Variants in CHRNB1 observed in about 807,000 individuals in gnomAD.
The protein encoded by CHRNB1 is cholinergic receptor nicotinic beta 1 subunit.
In CHRNB1, 47 loss-of-function variants were observed where a neutral mutation model predicts 53.8. The observed-to-expected ratio is 0.87, with a 90% CI of 0.69 to 1.11. The LOEUF (loss-of-function observed/expected upper bound fraction) is 1.11. Among genes scored for constraint, CHRNB1 ranks in the 50% most tolerant of loss-of-function variants. The pLI, the probability that CHRNB1 is intolerant of heterozygous loss-of-function variation, is 0.00. For synonymous variants in CHRNB1, 259 were observed against 263.5 expected (o/e 0.98, Z 0.16); for missense variants, 605 against 654.9 (o/e 0.92, Z 0.83).
chr17:7,445,983 G>T lies in CHRNB1; in HGVS notation c.199-86G>T. On this transcript the variant is annotated intron_variant, in intron 2 of 10. Coordinates refer to ENST00000306071, the MANE Select transcript of CHRNB1 (RefSeq NM_000747.3). This position sits in a 1 kb window ranked among gnomAD's most constrained non-coding sequence, Gnocchi z 5.7. ...ATGGGGCTCAGAAAAAGGGGGCGGC[G>T]TTCCCAGGAGAGAGGTTGGCCCCCC... is the stretch of plus-strand genomic sequence containing the variant. 1.6e-6 allele frequency: 2 copies of T among 1,215,408 alleles called. No individual in the cohort carries two copies. The highest frequency in any genetic ancestry group is 2.4e-6 in the Non-Finnish European group (2 of 818,414). The allele number at this position is 1,215,408 out of a possible 1,614,324, so 75.3% of individuals were successfully genotyped here. A position where few individuals can be genotyped will look rare whatever the true frequency, so the allele number is the denominator to read the frequency against.
Position 7,445,810 on chromosome 17 carries a change from C to T in CHRNB1, c.199-259C>T, listed in dbSNP as rs1217687645. The T allele has an allele frequency of 1.9e-5, 12 of 617,472 alleles. No individual in the cohort carries two copies. Among genetic ancestry groups the T allele is most frequent in the Non-Finnish European group, 3.4e-5 (12 of 354,248 alleles). The allele number at this position is 617,472 out of a possible 1,614,324, so 38.2% of individuals were successfully genotyped here. A position where few individuals can be genotyped will look rare whatever the true frequency, so the allele number is the denominator to read the frequency against. On this transcript the variant is annotated intron_variant, in intron 2 of 10. Transcript: ENST00000306071. The surrounding 1 kb of genome is among the most constrained non-coding windows in gnomAD (Gnocchi z 5.7). ...GTGGATTATGAGCTGAAGGCAGGGC[C>T]GGGGACAGAGCTAGGCGGAGGGCTA...
Position 7,445,453 on chromosome 17 carries a change from G to A in CHRNB1, c.198+44G>A. ...TGGAGGTCAGGCCAGCCGACCGGCC[G>A]GGGGCGTGGCTTTAGGCAAGGCCGG... On this transcript the variant is annotated intron_variant, in intron 2 of 10. Transcript: ENST00000306071. The surrounding 1 kb of genome is among the most constrained non-coding windows in gnomAD (Gnocchi z 5.7). 1.2e-6 allele frequency: 2 copies of A among 1,600,920 alleles called. No individual in the cohort carries two copies. The highest frequency in any genetic ancestry group is 1.7e-6 in the Non-Finnish European group (2 of 1,176,310).
At chr17:7,455,762 C>A (rs1401263966) in intron 9 of CHRNB1, 32 bp from the exon 10 acceptor site, 1 of 1,614,074 alleles carries the variant, frequency 6.2e-7, no homozygotes, top group Admixed American at 1.7e-5. Flanking sequence ...GCTGTCTTTG[C>A]GTTTGGGCGT....
At chr17:7,448,890 G>A in intron 7 of CHRNB1, 102 bp downstream of exon 7, 1 of 1,304,736 alleles carries the variant, frequency 7.7e-7, no homozygotes, top group Non-Finnish European at 1.1e-6. Context: ...AAGCATCATA[G>A]ATTGGGCTTC....
intron 7 of CHRNB1, among the ~76,000 whole-genome samples, chr17:7,453,841 A>G (rs1369828350): frequency 6.6e-6 from 1 of 151,530 alleles, no homozygotes; most frequent in Non-Finnish European, 1.5e-5. Flanking sequence ...TGGGTGGATC[A>G]CTTGAGCTCA....
chr17:7,453,799 G>A (rs950250938), intron 7 of CHRNB1, among the ~76,000 whole-genome samples: 6 of 151,280 alleles, frequency 4.0e-5, no homozygotes, highest in Non-Finnish European at 5.9e-5. Flanking sequence ...AGTGGCTCAC[G>A]CCTGTAATCC....
At chr17:7,453,799 G>T (rs950250938) in intron 7 of CHRNB1, among the ~76,000 whole-genome samples, 1 of 151,278 alleles carries the variant, frequency 6.6e-6, no homozygotes, top group Non-Finnish European at 1.5e-5. Flanking sequence ...AGTGGCTCAC[G>T]CCTGTAATCC....
intron 4 of CHRNB1, 48 bp from the exon 5 acceptor site, chr17:7,446,995 G>T (rs1268968807): frequency 1.9e-6 from 3 of 1,606,134 alleles, no homozygotes; most frequent in Non-Finnish European, 2.6e-6. Context: ...GGGGGCGGGG[G>T]GCCTCCGGGC....
In CHRNB1 at chr17:7,445,864, G is replaced by T; in HGVS notation, c.199-205G>T. Reference sequence around the variant, plus strand: ...AGGGGCGGGTCTGGTAGGTTGATAGGCTGGGAGTGTAGACGGCAGGAAGAG... The same window carrying T: ...AGGGGCGGGTCTGGTAGGTTGATAGTCTGGGAGTGTAGACGGCAGGAAGAG... On this transcript the variant is annotated intron_variant, in intron 2 of 10. Coordinates refer to ENST00000306071, the MANE Select transcript of CHRNB1 (RefSeq NM_000747.3). The surrounding 1 kb of genome is among the most constrained non-coding windows in gnomAD (Gnocchi z 5.7). 1.6e-6 allele frequency: 1 copy of T among 644,516 alleles called. No individual in the cohort carries two copies. Among genetic ancestry groups the T allele is most frequent in the South Asian group, 1.8e-5 (1 of 55,728 alleles). The allele number at this position is 644,516 out of a possible 1,614,324, so 39.9% of individuals were successfully genotyped here.
chr17:7,447,016 A>T, intron 4 of CHRNB1, 27 bp from the exon 5 acceptor site: 1 of 1,612,490 alleles, frequency 6.2e-7, no homozygotes, highest in Non-Finnish European at 8.5e-7. Context: ...GCGGGGCCTG[A>T]TCCCTGATGA....
In CHRNB1 at chr17:7,455,957, G is replaced by T. The variant is rs749948799; in HGVS notation, c.1365+16G>T. The T allele has an allele frequency of 3.3e-5, 54 of 1,613,896 alleles. No homozygotes were observed. The Admixed American group carries it at 3.8e-4, about 11-fold the overall frequency. ...CCACGATGCGGTATGTCCAACGGGG[G>T]TGGAACAAGGCCAGGTCTAGGCGAC... On this transcript the variant is annotated intron_variant, in intron 10 of 10. Transcript: ENST00000306071.
chr17:7,445,359 G>A lies in CHRNB1; in HGVS notation c.148G>A (p.Asp50Asn). 6.2e-7 allele frequency: 1 copy of A among 1,612,986 alleles called. No homozygotes were observed. The highest frequency in any genetic ancestry group is 8.5e-7 in the Non-Finnish European group (1 of 1,179,816). ...CGTGCGGCCAGCGCGGGAGGTGGGA[G>A]ACCGTGTCAGGGTCAGCGTTGGTCT... Reference protein sequence around the residue: ...SSVRPAREVGDRVRVSVGLIL... With the variant: ...SSVRPAREVGNRVRVSVGLIL... The change falls in exon 2 of 11, where the codon GAC (aspartate) becomes AAC (asparagine). Residue 50 changes from aspartate to asparagine, a missense_variant. By Grantham distance (23) the Asp-to-Asn change is conservative (BLOSUM62 1). Coordinates refer to ENST00000306071, the MANE Select transcript of CHRNB1 (RefSeq NM_000747.3). This position sits in a 1 kb window ranked among gnomAD's most constrained non-coding sequence, Gnocchi z 5.7.
intron 7 of CHRNB1, among the ~76,000 whole-genome samples, chr17:7,453,456 C>T (rs1268194927): frequency 6.6e-6 from 1 of 152,054 alleles, no homozygotes; most frequent in Non-Finnish European, 1.5e-5. Context: ...ATTTATTAGA[C>T]ATCCAACTAT....
At chr17:7,455,579 G>A in intron 9 of CHRNB1, 123 bp downstream of exon 9, 1 of 1,308,956 alleles carries the variant, frequency 7.6e-7, no homozygotes, top group Non-Finnish European at 1.1e-6. Context: ...GGGAGTTGTA[G>A]TACTCCTGCT....
At position 7,454,503 on chromosome 17, in the gene CHRNB1, C is replaced by A. The variant is rs760292772; in HGVS notation, c.1027C>A (p.Pro343Thr). The change falls in exon 8 of 11, where the codon CCC (proline) becomes ACC (threonine). Residue 343 changes from proline (P) to threonine (T), a missense_variant. Physicochemically the swap from Pro to Thr is conservative, Grantham distance 38 (BLOSUM62 -1). Coordinates refer to ENST00000306071, the MANE Select transcript of CHRNB1 (RefSeq NM_000747.3). The stretch of plus-strand genomic sequence containing the variant: ...CCGCTCACCCCACACCCACCAAATG[C>A]CCCTTTGGGTCCGTCAGGTAAGAAA... ...HHRSPHTHQMPLWVRQIFIHK... is the reference protein window; with the variant it reads ...HHRSPHTHQMTLWVRQIFIHK... 9.9e-6 allele frequency: 16 copies of A among 1,613,946 alleles called. No individual in the cohort carries two copies. The East Asian group carries it at 3.1e-4, about 31-fold the overall frequency.
At chr17:7,452,548 C>T (rs1436106720) in intron 7 of CHRNB1, among the ~76,000 whole-genome samples, 2 of 152,142 alleles carry the variant, frequency 1.3e-5, no homozygotes, top group African/African-American at 4.8e-5. Flanking sequence ...CCAGCTAGAA[C>T]AGGAACAGGG....
intron 7 of CHRNB1, among the ~76,000 whole-genome samples, chr17:7,453,726 C>A (rs1465119233): frequency 1.3e-5 from 2 of 151,724 alleles, no homozygotes; most frequent in Non-Finnish European, 2.9e-5. Flanking sequence ...TAGTTGGGAC[C>A]ACAAGCATGC....
rs558614486 is a variant in CHRNB1 at position 7,456,528 on chromosome 17, G to A, written c.1366-55G>A. 6.2e-6 allele frequency: 10 copies of A among 1,610,638 alleles called. No homozygotes were observed. In the African/African-American group the frequency reaches 1.1e-4, roughly 17 times the overall value. ...GGGTAGCGGGCGGGGAAATGGGGGG[G>A]TTTCCCTGGGGGTCTGGGCCCAGAG... On this transcript the variant is annotated intron_variant, in intron 10 of 10. Transcript: ENST00000306071.
intron 7 of CHRNB1, among the ~76,000 whole-genome samples, chr17:7,449,402 CT>C (rs769505757): frequency 0.15 from 13,703 of 89,020 alleles, 466 homozygotes; most frequent in African/African-American, 0.24. Context: ...AGGGCCCGAC[CT>C]TTTTTTTTTT....
Sources: gnomAD v4.1 joint callset for allele counts (sites outside exome capture counted in the v4.1 genomes callset) on GRCh38, gnomAD v4.1.1 for gene constraint, Gnocchi (gnomAD v3.1) non-coding constraint, MANE v1.5 for transcripts, NCBI Gene and HGNC (gene_info 2026-07-23, HGNC 2026-07-21) for gene names.